ADGRF1: variants seen among roughly 807,000 people sequenced by gnomAD.
ADGRF1 encodes the protein adhesion G protein-coupled receptor F1.
A neutral mutation model predicts 87.2 loss-of-function variants in ADGRF1; 85 were observed. The observed-to-expected ratio is 0.97, with a 90% CI of 0.82 to 1.17. ADGRF1 has a LOEUF of 1.17. Ranked by LOEUF, ADGRF1 falls within the 50% of genes most tolerant of loss-of-function variation. The probability of loss-of-function intolerance (pLI) is 0.00; values close to 1 mark genes in which losing one functional copy is unlikely to be tolerated. For synonymous variants in ADGRF1, 430 were observed against 408.8 expected (o/e 1.05, Z -0.63); for missense variants, 1,169 against 1,077.2 (o/e 1.09, Z -1.19).
chr6:47,007,838 G>A (rs1779576170), intron 11 of ADGRF1, among the ~76,000 whole-genome samples: 1 of 152,178 alleles, frequency 6.6e-6, no homozygotes, highest in African/African-American at 2.4e-5. Context: ...GTATCACTAT[G>A]AGACTGTACT....
chr6:47,019,638 C>G (rs568112657), intron 7 of ADGRF1: 178 of 461,638 alleles, frequency 3.9e-4, no homozygotes, highest in South Asian at 4.7e-4. Flanking sequence ...GAGCCGAGAT[C>G]GTGCCACTGC....
chr6:47,020,794 G>A lies in ADGRF1; in HGVS notation c.553-5C>T. ...TCTTTCATATGCTTTTTTAAGCTTA[G>A]AAAGAGAACAAAGAACAATGTGTTA... On this transcript the variant is annotated splice_polypyrimidine_tract_variant and splice_region_variant and intron_variant, in intron 6 of 14. Transcript: ENST00000371253. The A allele has an allele frequency of 6.2e-7, 1 of 1,612,468 alleles. No homozygotes were observed.
At chr6:47,036,272 G>A (rs1780586518) in intron 1 of ADGRF1, among the ~76,000 whole-genome samples, 1 of 151,908 alleles carries the variant, frequency 6.6e-6, no homozygotes, top group African/African-American at 2.4e-5. Flanking sequence ...ACAAAAAACA[G>A]CTACTTATTG....
intron 4 of ADGRF1, 94 bp downstream of exon 4, chr6:47,025,760 T>G: frequency 9.2e-7 from 1 of 1,081,522 alleles, no homozygotes; most frequent in South Asian, 1.7e-5. Flanking sequence ...ACAGAGATTG[T>G]AGGGATGATT....
At chr6:47,033,374 C>T (rs544574854) in intron 1 of ADGRF1, among the ~76,000 whole-genome samples, 3 of 152,328 alleles carry the variant, frequency 2.0e-5, no homozygotes, top group African/African-American at 7.2e-5. Context: ...CTTACGGACT[C>T]CAAATATCAT....
chr6:47,037,669 T>G (rs1042662896), intron 1 of ADGRF1, among the ~76,000 whole-genome samples: 6 of 152,084 alleles, frequency 3.9e-5, no homozygotes, highest in African/African-American at 1.4e-4. Context: ...CACACCCAGC[T>G]AATTATTTTT....
At chr6:47,012,285 C>T in intron 9 of ADGRF1, 90 bp from the exon 10 acceptor site, 1 of 1,547,166 alleles carries the variant, frequency 6.5e-7, no homozygotes, top group South Asian at 1.3e-5. Flanking sequence ...ATAGAACTAA[C>T]ATTTGTATGG....
At chr6:47,014,600 C>T in intron 9 of ADGRF1, 81 bp downstream of exon 9, 1 of 1,550,556 alleles carries the variant, frequency 6.4e-7, no homozygotes, top group Non-Finnish European at 8.7e-7. Context: ...TATACTTACC[C>T]TCCACCTAGC....
intron 9 of ADGRF1, chr6:47,013,727 G>T: frequency 1.2e-6 from 1 of 827,930 alleles, no homozygotes; most frequent in Non-Finnish European, 1.5e-6. Context: ...CAATGTTGGA[G>T]GTGGGGCTTG....
chr6:47,017,157 A>G (rs182860830), intron 7 of ADGRF1: 1 of 152,252 alleles, frequency 6.6e-6, no homozygotes, highest in African/African-American at 2.4e-5. Context: ...AGGCGGGAAA[A>G]TGCCTGTGAG....
intron 8 of ADGRF1, among the ~76,000 whole-genome samples, chr6:47,015,095 T>A (rs1359987351): frequency 6.6e-6 from 1 of 152,176 alleles, no homozygotes; most frequent in East Asian, 1.9e-4. Flanking sequence ...GCCAACAATA[T>A]CACTTTTAAT....
In ADGRF1 at chr6:47,029,090, G is replaced by T. The variant is rs553738798; in HGVS notation, c.-29C>A. ...CCCTGGACTGAACAGCAGCAGTCGG[G>T]TGCATAGTCTGTGACTAAACAAGCA... On this transcript the variant is annotated 5_prime_UTR_variant, in exon 2 of 15. Coordinates refer to ENST00000371253, the MANE Select transcript of ADGRF1 (RefSeq NM_153840.4). 7 of 1,592,638 alleles carry T rather than the reference G, an allele frequency of 4.4e-6. No individual in the cohort carries two copies. The South Asian group carries it at 6.6e-5, about 15-fold the overall frequency.
At chr6:47,000,913 G>C (rs1167533566) in intron 14 of ADGRF1, among the ~76,000 whole-genome samples, 1 of 152,192 alleles carries the variant, frequency 6.6e-6, no homozygotes, top group African/African-American at 2.4e-5. Flanking sequence ...CTCCAAGAAT[G>C]CTGTGGCTAC....
chr6:47,039,149 A>G (rs554056788), intron 1 of ADGRF1, among the ~76,000 whole-genome samples: 2 of 152,372 alleles, frequency 1.3e-5, no homozygotes, highest in South Asian at 4.1e-4. Flanking sequence ...GAAAAGAATA[A>G]GAAAATTTTC....
chr6:47,018,365 T>G, intron 7 of ADGRF1: 1 of 1,247,864 alleles, frequency 8.0e-7, no homozygotes, highest in Non-Finnish European at 1.0e-6. Flanking sequence ...GTGAAAAAAT[T>G]ATTAATTACT....
At chr6:47,023,680 T>C (rs911211403) in intron 5 of ADGRF1, among the ~76,000 whole-genome samples, 1 of 152,234 alleles carries the variant, frequency 6.6e-6, no homozygotes, top group African/African-American at 2.4e-5. Context: ...TCCCCTTTTC[T>C]TGAAATTGAT....
chr6:47,020,216 A>G, intron 7 of ADGRF1: 1 of 1,250,108 alleles, frequency 8.0e-7, no homozygotes, highest in Non-Finnish European at 1.0e-6. Flanking sequence ...GTCCTAGGCC[A>G]GATGTGGTGG....
At chr6:47,022,641 A>G (rs199997988) in intron 5 of ADGRF1, among the ~76,000 whole-genome samples, 2 of 152,148 alleles carry the variant, frequency 1.3e-5, no homozygotes, top group African/African-American at 2.4e-5. Flanking sequence ...ATCCTCTTAC[A>G]TATTCCTAAA....
In ADGRF1 at chr6:47,002,646, CACTT is replaced by C. The variant is rs372093232; in HGVS notation, c.2593-1083_2593-1080del. 2.3e-4 allele frequency among the ~76,000 whole-genome samples: 35 copies of C among 152,210 alleles called. No individual in the cohort carries two copies. The South Asian group carries it at 5.2e-3, about 23-fold the overall frequency. ...GTGTGTGAAGTTATATGGGTCGAAACACTTAGCCAAATAACAGGCCGTGAGTTAC... is the reference window on the plus strand; with the variant it reads ...GTGTGTGAAGTTATATGGGTCGAAACAGCCAAATAACAGGCCGTGAGTTAC... On this transcript the variant is annotated intron_variant, in intron 13 of 14. Transcript: ENST00000371253.
Sources: allele counts gnomAD v4.1 joint callset (sites outside exome capture counted in the v4.1 genomes callset), GRCh38; gene constraint gnomAD v4.1.1; transcripts MANE v1.5; gene names NCBI Gene and HGNC (gene_info 2026-07-23, HGNC 2026-07-21).